Variants in UBE2D3 observed in about 807,000 individuals in gnomAD.
UBE2D3 encodes the protein ubiquitin conjugating enzyme E2 D3.
UBE2D3 carries 2 observed loss-of-function variants against 22.8 expected under a neutral mutation model. That is an observed-to-expected ratio of 0.09 (90% CI 0.04 to 0.28). The LOEUF (loss-of-function observed/expected upper bound fraction) is 0.28, where lower values mean the gene tolerates loss of function less well. UBE2D3 is among the 10% of genes least tolerant of loss of function. UBE2D3 has a pLI of 1.00. For missense variants in UBE2D3, 27 were observed against 182.5 expected (o/e 0.15, Z 4.91); for synonymous variants, 56 against 60.4 (o/e 0.93, Z 0.34).
upstream of UBE2D3, among the ~76,000 whole-genome samples, chr4:102,828,510 T>TC (rs1177783284): frequency 6.6e-6 from 1 of 152,122 alleles, no homozygotes; most frequent in African/African-American, 2.4e-5. Context: ...TGAGTCAAGC[T>TC]CAATTGAGTG....
At chr4:102,847,332 C>T (rs921197467) in intron 1 of UBE2D3, among the ~76,000 whole-genome samples, 6 of 152,202 alleles carry the variant, frequency 3.9e-5, no homozygotes, top group African/African-American at 1.4e-4. Flanking sequence ...GTCGCCCAGG[C>T]TGGAGTGCAG....
At chr4:102,827,008 T>G in intron 1 of UBE2D3, 4 of 995,038 alleles carry the variant, frequency 4.0e-6, no homozygotes, top group Non-Finnish European at 3.6e-6. Context: ...AGCATAAGAC[T>G]CCGGACGGAC....
intron 1 of UBE2D3, among the ~76,000 whole-genome samples, chr4:102,866,457 C>G (rs939201141): frequency 6.6e-6 from 1 of 152,124 alleles, no homozygotes; most frequent in African/African-American, 2.4e-5. Context: ...TTGGAAGGGT[C>G]GCTTTTTAAA....
At chr4:102,839,671 TG>T (rs1200724063) in intron 1 of UBE2D3, among the ~76,000 whole-genome samples, 2 of 152,180 alleles carry the variant, frequency 1.3e-5, no homozygotes, top group African/African-American at 4.8e-5. Flanking sequence ...CAGACACAAA[TG>T]TAAGACCTGA....
chr4:102,797,297 T>C lies in UBE2D3; in HGVS notation c.*118A>G, dbSNP rs1266385729. ...TGAATGGAGGGAGGTAAACAAAAAA[T>C]AAAATTAAAAAAGATGAGGTCTGAT... On this transcript the variant is annotated 3_prime_UTR_variant, in exon 8 of 8. Coordinates refer to ENST00000453744, the MANE Select transcript of UBE2D3 (RefSeq NM_181891.3). 2 of 840,442 alleles carry C rather than the reference T, an allele frequency of 2.4e-6. No homozygotes were observed. The highest frequency in any genetic ancestry group is 3.5e-5 in the African/African-American group (2 of 57,636). 52.1% of individuals were successfully genotyped at this position (840,442 alleles called of 1,614,324 possible).
intron 2 of UBE2D3, chr4:102,825,561 A>G: frequency 8.4e-7 from 1 of 1,194,822 alleles, no homozygotes; most frequent in South Asian, 1.5e-5. Context: ...AGTTAGAGCA[A>G]GAAAATGAGA....
intron 2 of UBE2D3, among the ~76,000 whole-genome samples, chr4:102,819,088 T>C (rs759491112): frequency 6.6e-6 from 1 of 152,156 alleles, no homozygotes; most frequent in East Asian, 1.9e-4. Context: ...CCTAGCACTT[T>C]GGGAAGCCAA....
chr4:102,813,911 A>G (rs1233939209), intron 2 of UBE2D3, among the ~76,000 whole-genome samples: 1 of 152,248 alleles, frequency 6.6e-6, no homozygotes, highest in African/African-American at 2.4e-5. Flanking sequence ...ACAAACAACA[A>G]AAATAGAGTA....
At chr4:102,800,834 AAT>A (rs1313074723) in intron 6 of UBE2D3, among the ~76,000 whole-genome samples, 1 of 152,060 alleles carries the variant, frequency 6.6e-6, no homozygotes, top group Non-Finnish European at 1.5e-5. Context: ...TTAATGGTGA[AAT>A]AGTGTTAATT....
intron 2 of UBE2D3, chr4:102,819,472 G>T: frequency 1.4e-6 from 1 of 739,876 alleles, no homozygotes; most frequent in Non-Finnish European, 1.7e-6. Flanking sequence ...ATAAGTATCT[G>T]AACATTCGGT....
At chr4:102,841,841 T>C (rs893373735) in intron 1 of UBE2D3, among the ~76,000 whole-genome samples, 7 of 152,174 alleles carry the variant, frequency 4.6e-5, no homozygotes, top group Non-Finnish European at 1.0e-4. Flanking sequence ...TCAACTCATA[T>C]TTGGTCCATT....
intron 7 of UBE2D3, among the ~76,000 whole-genome samples, chr4:102,798,296 A>ATATATATATATATATATATATATG (rs1491068891): frequency 2.7e-5 from 4 of 147,506 alleles, no homozygotes; most frequent in African/African-American, 1.0e-4. Flanking sequence ...ATATATATAT[A>ATATATATATATATATATATATATG]TGCACAGGAG....
At position 102,799,512 on chromosome 4, in the gene UBE2D3, C is replaced by A; in HGVS notation, c.305-12G>T. The A allele has an allele frequency of 6.3e-7, 1 of 1,595,268 alleles. No individual in the cohort carries two copies. Among genetic ancestry groups the A allele is most frequent in the Admixed American group, 1.7e-5 (1 of 57,906 alleles). On this transcript the variant is annotated splice_polypyrimidine_tract_variant and intron_variant, in intron 6 of 7. Transcript: ENST00000453744. ...AATGGATAAAAGAACTGCAAGAAAA[C>A]AAAAACATCTGTTACCCAGTTTCAG...
At chr4:102,807,674 T>C (rs1007916334) in intron 4 of UBE2D3, among the ~76,000 whole-genome samples, 1 of 152,174 alleles carries the variant, frequency 6.6e-6, no homozygotes, top group Non-Finnish European at 1.5e-5. Context: ...TCACCTGAAA[T>C]ATATATTTAA....
chr4:102,831,943 C>T (rs1284534271), upstream of UBE2D3, among the ~76,000 whole-genome samples: 1 of 152,118 alleles, frequency 6.6e-6, no homozygotes, highest in East Asian at 1.9e-4. Context: ...ATTTAAAAAA[C>T]ATCGAATTAC....
exon 1 of UBE2D3, chr4:102,868,796 A>T (rs1321770253): frequency 6.2e-7 from 1 of 1,613,402 alleles, no homozygotes; most frequent in African/African-American, 1.3e-5. Context: ...GGTCTCCAGC[A>T]TCTACAGACG....
At chr4:102,799,170 C>T (rs997047102) in intron 7 of UBE2D3, among the ~76,000 whole-genome samples, 5 of 151,588 alleles carry the variant, frequency 3.3e-5, no homozygotes, top group African/African-American at 7.3e-5. Flanking sequence ...TAAAGTGATA[C>T]TGTTTAACAC....
upstream of UBE2D3, among the ~76,000 whole-genome samples, chr4:102,830,819 T>C (rs1469020874): frequency 6.6e-6 from 1 of 152,164 alleles, no homozygotes; most frequent in Non-Finnish European, 1.5e-5. Context: ...TGAGCTGTGA[T>C]TGTGCCACTA....
chr4:102,827,560 C>G, upstream of UBE2D3: 1 of 986,846 alleles, frequency 1.0e-6, no homozygotes, highest in Non-Finnish European at 1.2e-6. Flanking sequence ...CTACTGCCAG[C>G]TGCCACGCTC....
Sources: allele counts gnomAD v4.1 joint callset (sites outside exome capture counted in the v4.1 genomes callset), GRCh38; gene constraint gnomAD v4.1.1; transcripts MANE v1.5; gene names NCBI Gene and HGNC (gene_info 2026-07-23, HGNC 2026-07-21).